Variants in ANO10 observed in about 807,000 individuals in gnomAD.
ANO10 encodes the protein anoctamin-10.
In ANO10, 77 loss-of-function variants were observed where a neutral mutation model predicts 74.7. That is an observed-to-expected ratio of 1.03 (90% CI 0.86 to 1.25). ANO10 has a LOEUF of 1.25. Ranked by LOEUF, ANO10 falls within the 50% of genes most tolerant of loss-of-function variation. The pLI, the probability that ANO10 is intolerant of heterozygous loss-of-function variation, is 0.00. For synonymous variants in ANO10, 279 were observed against 284.9 expected (o/e 0.98, Z 0.21); for missense variants, 721 against 778.1 (o/e 0.93, Z 0.87).
chr3:43,485,235 G>A (rs370489752), intron 11 of ANO10: 3 of 647,852 alleles, frequency 4.6e-6, no homozygotes, highest in Non-Finnish European at 8.3e-6. Context: ...GCAGCTCCGG[G>A]AGTCATAGTG....
chr3:43,573,171 T>C (rs7653738), intron 7 of ANO10, among the ~76,000 whole-genome samples: 120,530 of 152,138 alleles, frequency 0.79, 48,480 homozygotes, highest in African/African-American at 0.92. Context: ...CCATATTCCT[T>C]TACTTTCTTA....
intron 11 of ANO10, among the ~76,000 whole-genome samples, chr3:43,533,931 A>C (rs1379080526): frequency 2.0e-5 from 3 of 152,356 alleles, no homozygotes; most frequent in Admixed American, 6.5e-5. Flanking sequence ...CAAATTAACT[A>C]AATTCTGCTT....
At chr3:43,686,281 A>G (rs2084273805) in intron 1 of ANO10, among the ~76,000 whole-genome samples, 1 of 152,118 alleles carries the variant, frequency 6.6e-6, no homozygotes, top group Non-Finnish European at 1.5e-5. Flanking sequence ...TGTTTAGTCT[A>G]AAACTTTTAT....
At position 43,397,512 on chromosome 3, in the gene ANO10, G is replaced by T. The variant is rs1013858039; in HGVS notation, c.1915-30538C>A. On this transcript the variant is annotated intron_variant, in intron 12 of 12. Transcript: ENST00000292246. ...TCTTGTTTTTATCATTTGTTAGGTG[G>T]GTTTAGAGCAGATCTCAGTCCACAA... 3.3e-5 allele frequency among the ~76,000 whole-genome samples: 5 copies of T among 152,128 alleles called. No homozygotes were observed. The East Asian group carries it at 9.7e-4, about 29-fold the overall frequency.
At chr3:43,669,751 G>C (rs1232687666) in intron 1 of ANO10, among the ~76,000 whole-genome samples, 1 of 151,712 alleles carries the variant, frequency 6.6e-6, no homozygotes, top group Non-Finnish European at 1.5e-5. Context: ...TTTAGAAATG[G>C]AGTTTTTGCT....
chr3:43,453,328 C>T (rs937494262), intron 11 of ANO10, among the ~76,000 whole-genome samples: 11 of 151,898 alleles, frequency 7.2e-5, no homozygotes, highest in African/African-American at 2.4e-4. Context: ...TACAGGCACC[C>T]GCCACTGTGC....
chr3:43,432,610 C>T lies in ANO10; in HGVS notation c.1914+1G>A. ...TACATTTTCAGGACAGCTGCTCTCACCTGCTGCTTGAGTGCCTCCAAAGAC... is the reference window on the plus strand; with the variant it reads ...TACATTTTCAGGACAGCTGCTCTCATCTGCTGCTTGAGTGCCTCCAAAGAC... On this transcript the variant is annotated splice_donor_variant, in intron 12 of 12. Transcript: ENST00000292246. LOFTEE classifies it high-confidence loss of function. 6.2e-7 allele frequency: 1 copy of T among 1,601,976 alleles called. No individual in the cohort carries two copies. Among genetic ancestry groups the T allele is most frequent in the Non-Finnish European group, 8.6e-7 (1 of 1,168,932 alleles).
intron 11 of ANO10, among the ~76,000 whole-genome samples, chr3:43,510,940 G>A (rs1348585425): frequency 1.3e-5 from 2 of 152,144 alleles, no homozygotes; most frequent in African/African-American, 2.4e-5. Context: ...ATCATATTTA[G>A]TTTTAGTATA....
intron 12 of ANO10, among the ~76,000 whole-genome samples, chr3:43,422,479 G>A (rs774511251): frequency 2.7e-4 from 41 of 152,266 alleles, no homozygotes; most frequent in Admixed American, 2.6e-3. Context: ...TATGAGGCAA[G>A]TTTTTTCTTT....
In ANO10 at chr3:43,432,602, T is replaced by C. The variant is rs2092999627; in HGVS notation, c.1914+9A>G. On this transcript the variant is annotated intron_variant, in intron 12 of 12. Transcript: ENST00000292246. Reference sequence around the variant, plus strand: ...GCAATACATACATTTTCAGGACAGCTGCTCTCACCTGCTGCTTGAGTGCCT... The same window carrying C: ...GCAATACATACATTTTCAGGACAGCCGCTCTCACCTGCTGCTTGAGTGCCT... 2.5e-6 allele frequency: 4 copies of C among 1,579,732 alleles called. No individual in the cohort carries two copies. In the Middle Eastern group the frequency reaches 5.0e-4, roughly 198 times the overall value.
At chr3:43,560,397 G>C (rs141476577) in intron 9 of ANO10, among the ~76,000 whole-genome samples, 2 of 152,252 alleles carry the variant, frequency 1.3e-5, no homozygotes, top group South Asian at 2.1e-4. Context: ...CTAAGCACAT[G>C]AGAAAAATTA....
intron 1 of ANO10, among the ~76,000 whole-genome samples, chr3:43,644,354 G>A (rs1156324416): frequency 1.3e-5 from 2 of 152,182 alleles, no homozygotes; most frequent in African/African-American, 4.8e-5. Context: ...TTAACTTGCT[G>A]TAATGCAGCA....
chr3:43,416,341 G>T (rs2092738681), intron 12 of ANO10, among the ~76,000 whole-genome samples: 1 of 152,134 alleles, frequency 6.6e-6, no homozygotes, highest in African/African-American at 2.4e-5. Context: ...TTGGGAGAGA[G>T]ATCAAACGTT....
chr3:43,667,673 A>G (rs2084008459), intron 1 of ANO10, among the ~76,000 whole-genome samples: 1 of 152,158 alleles, frequency 6.6e-6, no homozygotes, highest in Non-Finnish European at 1.5e-5. Flanking sequence ...GCTCTCACTT[A>G]TAAATGAGAA....
intron 1 of ANO10, among the ~76,000 whole-genome samples, chr3:43,662,711 T>A (rs960543508): frequency 9.2e-5 from 14 of 151,784 alleles, no homozygotes; most frequent in African/African-American, 3.4e-4. Flanking sequence ...AAAGGGGATA[T>A]CACCACCAAT....
chr3:43,585,447 C>T (rs575890213), intron 4 of ANO10, among the ~76,000 whole-genome samples: 2 of 152,316 alleles, frequency 1.3e-5, no homozygotes, highest in South Asian at 4.1e-4. Context: ...AGACTGGCTA[C>T]CTACACAGTT....
intron 11 of ANO10, among the ~76,000 whole-genome samples, chr3:43,446,612 A>C (rs550919148): frequency 6.6e-6 from 1 of 152,318 alleles, no homozygotes; most frequent in East Asian, 1.9e-4. Flanking sequence ...AGTAAGGAGA[A>C]ATTTGAACTA....
At chr3:43,678,684 G>T (rs562048586) in intron 1 of ANO10, among the ~76,000 whole-genome samples, 2 of 152,232 alleles carry the variant, frequency 1.3e-5, no homozygotes, top group Non-Finnish European at 2.9e-5. Flanking sequence ...AGGAATCTTC[G>T]AATGCCCCTG....
chr3:43,672,604 TTAGTC>T (rs1299143478), intron 1 of ANO10, among the ~76,000 whole-genome samples: 7 of 152,126 alleles, frequency 4.6e-5, no homozygotes, highest in African/African-American at 1.7e-4. Flanking sequence ...TTATCATACT[TTAGTC>T]TAATAAACAG....
Sources: allele counts gnomAD v4.1 joint callset (sites outside exome capture counted in the v4.1 genomes callset), GRCh38; gene constraint gnomAD v4.1.1; transcripts MANE v1.5; gene names NCBI Gene and HGNC (gene_info 2026-07-23, HGNC 2026-07-21).